HAT1: variants seen among roughly 807,000 people sequenced by gnomAD.
HAT1 encodes histone acetyltransferase type B catalytic subunit.
A neutral mutation model predicts 56.6 loss-of-function variants in HAT1; 20 were observed. That is an observed-to-expected ratio of 0.35 (90% CI 0.25 to 0.51). The LOEUF (loss-of-function observed/expected upper bound fraction) is 0.51. Ranked by LOEUF, HAT1 falls within the 20% of genes least tolerant of loss-of-function variation. The pLI is 0.95. For synonymous variants in HAT1, 146 were observed against 165.5 expected (o/e 0.88, Z 0.91); for missense variants, 408 against 504.3 (o/e 0.81, Z 1.83).
chr2:171,947,035 C>T (rs1257702158), intron 3 of HAT1, among the ~76,000 whole-genome samples: 1 of 151,976 alleles, frequency 6.6e-6, no homozygotes, highest in Admixed American at 6.6e-5. Flanking sequence ...CTGCTTTGTG[C>T]ATTGATAGAA....
rs1373207243 is a variant in HAT1, at chr2:171,948,653, A to G, written c.188+1870A>G. ...GAATCATATTGTATTTCGTTGCCAT[A>G]TCTCTTCATTCTTCTTTAATCTGAA... is the stretch of plus-strand genomic sequence containing the variant. On this transcript the variant is annotated intron_variant, in intron 3 of 10. Transcript: ENST00000264108. Among the ~76,000 whole-genome samples the G allele has an allele frequency of 2.6e-5, 4 of 152,218 alleles. No individual in the cohort carries two copies. In the East Asian group the frequency reaches 7.7e-4, roughly 29 times the overall value.
chr2:171,952,537 A>G lies in HAT1; in HGVS notation c.189-344A>G, dbSNP rs762169698. Reference sequence around the variant, plus strand: ...GTCCTAATTTAACACTACTTCTCTCATTTGAAATGCCTTCTAATACTGGTA... The same window carrying G: ...GTCCTAATTTAACACTACTTCTCTCGTTTGAAATGCCTTCTAATACTGGTA... On this transcript the variant is annotated intron_variant, in intron 3 of 10. Transcript: ENST00000264108. 3.9e-5 allele frequency among the ~76,000 whole-genome samples: 6 copies of G among 152,228 alleles called. 1 individual carries two copies. The highest frequency in any genetic ancestry group is 8.8e-5 in the Non-Finnish European group (6 of 68,040).
At chr2:171,960,544 T>A (rs1687547874) in intron 4 of HAT1, among the ~76,000 whole-genome samples, 1 of 152,214 alleles carries the variant, frequency 6.6e-6, no homozygotes, top group Admixed American at 6.5e-5. Context: ...TCATCCATTC[T>A]TTTACTTTTC....
intron 2 of HAT1, among the ~76,000 whole-genome samples, chr2:171,944,232 T>C (rs1687101693): frequency 1.3e-5 from 2 of 152,182 alleles, no homozygotes. Context: ...TCTCTTTTAA[T>C]ACAGAGCAGT....
intron 9 of HAT1, among the ~76,000 whole-genome samples, chr2:171,978,059 C>CTTTTT (rs35822665): frequency 7.3e-6 from 1 of 137,120 alleles, no homozygotes; most frequent in South Asian, 2.3e-4. Context: ...TTTCCTTTTC[C>CTTTTT]TTTTTTTTTT....
At chr2:171,942,452 A>G (rs1381909382) in intron 2 of HAT1, among the ~76,000 whole-genome samples, 1 of 152,134 alleles carries the variant, frequency 6.6e-6, no homozygotes, top group Non-Finnish European at 1.5e-5. Flanking sequence ...AATCGAGGTT[A>G]CCGTATCATG....
At chr2:171,942,010 T>G (rs1687030944) in intron 2 of HAT1, among the ~76,000 whole-genome samples, 1 of 152,132 alleles carries the variant, frequency 6.6e-6, no homozygotes, top group Non-Finnish European at 1.5e-5. Context: ...GTTCAAGCAA[T>G]TCTCCTAGTT....
chr2:171,935,515 C>CAAAAAA (rs56220004), intron 2 of HAT1, among the ~76,000 whole-genome samples: 8 of 55,640 alleles, frequency 1.4e-4, no homozygotes, highest in Non-Finnish European at 1.7e-4. Flanking sequence ...AACTCCATCT[C>CAAAAAA]AAAAAAAAAA....
chr2:171,974,991 G>A (rs1433003543), intron 8 of HAT1, among the ~76,000 whole-genome samples: 1 of 151,712 alleles, frequency 6.6e-6, no homozygotes, highest in Admixed American at 6.6e-5. Context: ...GAGGACATTT[G>A]TATCTACATT....
chr2:171,938,465 A>G (rs150401243), intron 2 of HAT1, among the ~76,000 whole-genome samples: 2 of 152,146 alleles, frequency 1.3e-5, no homozygotes, highest in East Asian at 3.9e-4. Flanking sequence ...TGAAATTATT[A>G]TACACCTCAC....
intron 8 of HAT1, among the ~76,000 whole-genome samples, chr2:171,974,987 A>G (rs1236890288): frequency 6.6e-6 from 1 of 151,914 alleles, no homozygotes; most frequent in African/African-American, 2.4e-5. Flanking sequence ...TGTTGAGGAC[A>G]TTTGTATCTA....
At chr2:171,955,505 G>T (rs372731055) in intron 4 of HAT1, among the ~76,000 whole-genome samples, 2 of 152,110 alleles carry the variant, frequency 1.3e-5, no homozygotes, top group Middle Eastern at 3.4e-3. Flanking sequence ...CAGCAACTTG[G>T]GGGGCTGAGG....
intron 10 of HAT1, chr2:171,980,268 A>G (rs1174460958): frequency 1.3e-5 from 2 of 152,012 alleles, no homozygotes; most frequent in East Asian, 1.9e-4. Context: ...GTTGTTATAT[A>G]TATATATTCT....
At chr2:171,932,182 G>C (rs1222034282) in intron 2 of HAT1, among the ~76,000 whole-genome samples, 1 of 152,110 alleles carries the variant, frequency 6.6e-6, no homozygotes, top group East Asian at 1.9e-4. Context: ...TGCTTTGCTA[G>C]ATTTGACTTG....
At chr2:171,935,499 G>C (rs978393473) in intron 2 of HAT1, among the ~76,000 whole-genome samples, 1 of 84,194 alleles carries the variant, frequency 1.2e-5, no homozygotes, top group African/African-American at 5.1e-5. Flanking sequence ...TGGGCAACAA[G>C]AGCAAAACTC....
At chr2:171,967,672 G>A (rs962211525) in intron 8 of HAT1, among the ~76,000 whole-genome samples, 1 of 151,998 alleles carries the variant, frequency 6.6e-6, no homozygotes, top group African/African-American at 2.4e-5. Context: ...CAAATTTGTT[G>A]TTCATAAAAT....
At chr2:171,946,097 C>T (rs1285406119) in intron 2 of HAT1, among the ~76,000 whole-genome samples, 1 of 152,226 alleles carries the variant, frequency 6.6e-6, no homozygotes, top group Non-Finnish European at 1.5e-5. Context: ...AGCCACTGCA[C>T]CTGGCCACTT....
intron 3 of HAT1, among the ~76,000 whole-genome samples, chr2:171,950,182 T>G (rs13418953): frequency 1.9e-4 from 29 of 152,280 alleles, no homozygotes; most frequent in African/African-American, 6.3e-4. Context: ...GTTTGTTTGT[T>G]TTTTGAGACG....
At chr2:171,979,634 CCT>C in intron 10 of HAT1, 1 of 256,308 alleles carries the variant, frequency 3.9e-6, no homozygotes, top group Non-Finnish European at 7.5e-6. Flanking sequence ...GTGGTGAAAC[CCT>C]GTCTCTACTA....
Sources: gnomAD v4.1 joint callset for allele counts (sites outside exome capture counted in the v4.1 genomes callset) on GRCh38, gnomAD v4.1.1 for gene constraint, MANE v1.5 for transcripts, NCBI Gene and HGNC (gene_info 2026-07-23, HGNC 2026-07-21) for gene names.